Variants in DCC observed in about 807,000 individuals in gnomAD.
DCC encodes the protein DCC netrin 1 receptor.
A neutral mutation model predicts 172.5 loss-of-function variants in DCC; 58 were observed. The ratio of observed to expected loss-of-function variants is 0.34; its 90% CI spans 0.27 to 0.42. The LOEUF is 0.42. DCC is among the 10% of genes least tolerant of loss of function. The probability of loss-of-function intolerance (pLI) is 1.00; values close to 1 mark genes in which losing one functional copy is unlikely to be tolerated. For synonymous variants in DCC, 709 were observed against 644.5 expected (o/e 1.10, Z -1.52); for missense variants, 1,740 against 1,791.0 (o/e 0.97, Z 0.51).
chr18:52,874,732 G>A (rs2039376481), intron 2 of DCC, among the ~76,000 whole-genome samples: 1 of 152,080 alleles, frequency 6.6e-6, no homozygotes, highest in Admixed American at 6.6e-5. Context: ...AGGAGACAGA[G>A]GAAAGGCTCA....
rs564796071 is a variant in DCC at position 53,522,734 on chromosome 18, C to A, written c.4112-3883C>A. Among the ~76,000 whole-genome samples the A allele has an allele frequency of 1.6e-3, 251 of 152,184 alleles. 1 individual carries two copies. Among genetic ancestry groups the A allele is most frequent in the South Asian group, 3.1e-3 (15 of 4,826 alleles). ...CCATATGCAGAAAACTGAAACCTGA[C>A]CCCTCCTTACACCTTATACAAAAAT... On this transcript the variant is annotated intron_variant, in intron 27 of 28. Coordinates refer to ENST00000442544, the MANE Select transcript of DCC (RefSeq NM_005215.4).
chr18:52,353,449 C>T (rs1343590878), intron 1 of DCC, among the ~76,000 whole-genome samples: 1 of 152,130 alleles, frequency 6.6e-6, no homozygotes, highest in Non-Finnish European at 1.5e-5. Context: ...CTCTGTGTCC[C>T]AAGTCTGATG....
At chr18:52,738,911 A>AAAAAAG (rs796929632) in intron 1 of DCC, among the ~76,000 whole-genome samples, 67 of 151,864 alleles carry the variant, frequency 4.4e-4, no homozygotes, top group African/African-American at 1.3e-3. Context: ...AAAAAAAAAA[A>AAAAAAG]AAAAAAAGAA....
chr18:52,592,293 A>G (rs1202861996), intron 1 of DCC, among the ~76,000 whole-genome samples: 2 of 152,190 alleles, frequency 1.3e-5, no homozygotes, highest in Non-Finnish European at 2.9e-5. Flanking sequence ...CAGAGGAAAG[A>G]AAGGAGCATT....
intron 2 of DCC, among the ~76,000 whole-genome samples, chr18:52,793,981 C>A (rs2037823802): frequency 6.6e-6 from 1 of 151,448 alleles, no homozygotes; most frequent in Non-Finnish European, 1.5e-5. Flanking sequence ...TTCTATTAAT[C>A]TATATTTCTG....
At chr18:53,219,385 C>T (rs2055898001) in intron 12 of DCC, among the ~76,000 whole-genome samples, 1 of 152,094 alleles carries the variant, frequency 6.6e-6, no homozygotes, top group Non-Finnish European at 1.5e-5. Flanking sequence ...GTATACCAGT[C>T]AACTCACTAG....
chr18:52,626,341 T>C (rs374684127), intron 1 of DCC, among the ~76,000 whole-genome samples: 1 of 152,166 alleles, frequency 6.6e-6, no homozygotes, highest in African/African-American at 2.4e-5. Flanking sequence ...CCAGCCCTAC[T>C]TCCAAAATAG....
chr18:53,128,830 T>TACACACACACACAC (rs1209652447), intron 7 of DCC, among the ~76,000 whole-genome samples: 3 of 86,966 alleles, frequency 3.4e-5, no homozygotes, highest in African/African-American at 1.2e-4. Flanking sequence ...TGTATACACA[T>TACACACACACACAC]ACACACACAC....
intron 2 of DCC, among the ~76,000 whole-genome samples, chr18:52,896,557 C>T (rs557126615): frequency 6.6e-6 from 1 of 152,252 alleles, no homozygotes; most frequent in African/African-American, 2.4e-5. Flanking sequence ...TAAGAAGAAT[C>T]TAGAAAGACA....
intron 10 of DCC, 84 bp from the exon 11 acceptor site, chr18:53,207,595 C>T: frequency 2.4e-6 from 3 of 1,269,210 alleles, no homozygotes; most frequent in Non-Finnish European, 2.3e-6. Flanking sequence ...AGTCTAATGT[C>T]CAATTCACTG....
chr18:53,504,130 G>T (rs1598817343), intron 27 of DCC, among the ~76,000 whole-genome samples: 1 of 152,186 alleles, frequency 6.6e-6, no homozygotes, highest in Non-Finnish European at 1.5e-5. Context: ...ATGTATTCCT[G>T]CTGTAACCTG....
chr18:53,245,386 T>C (rs1465713405), intron 12 of DCC, among the ~76,000 whole-genome samples: 3 of 152,196 alleles, frequency 2.0e-5, no homozygotes, highest in African/African-American at 7.2e-5. Context: ...CTGTATGCTC[T>C]GTGCCTCAGT....
At chr18:53,205,120 T>C (rs1373435592) in intron 9 of DCC, 96 bp from the exon 10 acceptor site, 1 of 927,132 alleles carries the variant, frequency 1.1e-6, no homozygotes, top group African/African-American at 1.6e-5. Context: ...CCTAGAATTT[T>C]ATTGAACTGT....
At chr18:53,082,826 T>A (rs996101676) in intron 7 of DCC, among the ~76,000 whole-genome samples, 25 of 152,234 alleles carry the variant, frequency 1.6e-4, no homozygotes, top group African/African-American at 6.0e-4. Flanking sequence ...TTTATATTTA[T>A]CTTCTATGTT....
chr18:52,585,822 G>A (rs886500184), intron 1 of DCC, among the ~76,000 whole-genome samples: 2 of 152,216 alleles, frequency 1.3e-5, no homozygotes, highest in South Asian at 2.1e-4. Context: ...GGTGGCTCAC[G>A]CCTGTAATCC....
chr18:53,128,868 CACATAT>C (rs1320384773), intron 7 of DCC, among the ~76,000 whole-genome samples: 35 of 57,434 alleles, frequency 6.1e-4, no homozygotes, highest in African/African-American at 8.5e-4. Context: ...CACACACACA[CACATAT>C]ATATATATAT....
intron 1 of DCC, among the ~76,000 whole-genome samples, chr18:52,468,325 A>T (rs1988847397): frequency 6.6e-6 from 1 of 152,242 alleles, no homozygotes; most frequent in Admixed American, 6.5e-5. Context: ...CCATCGAAAA[A>T]GATTGATGTT....
Position 52,936,259 on chromosome 18 carries a change from G to T in DCC, c.985+10889G>T, listed in dbSNP as rs545064087. On this transcript the variant is annotated intron_variant, in intron 5 of 28. Transcript: ENST00000442544. Reference sequence around the variant, plus strand: ...AATTAAGTGCAAAATATGTTTAAAAGATTCTGTTGAATATTTATATGAATT... The same window carrying T: ...AATTAAGTGCAAAATATGTTTAAAATATTCTGTTGAATATTTATATGAATT... 8.5e-3 allele frequency among the ~76,000 whole-genome samples: 496 copies of T among 58,282 alleles called. 109 individuals are homozygous for T. The highest frequency in any genetic ancestry group is 0.025 in the African/African-American group (483 of 19,296). 38.2% of individuals were successfully genotyped at this position (58,282 alleles called of 152,430 possible).
chr18:52,545,621 C>T (rs183947362), intron 1 of DCC, among the ~76,000 whole-genome samples: 49 of 152,266 alleles, frequency 3.2e-4, no homozygotes, highest in Non-Finnish European at 5.3e-4. Context: ...TATAAATTTA[C>T]ATATACTGAG....
Sources: allele counts gnomAD v4.1 joint callset (sites outside exome capture counted in the v4.1 genomes callset), GRCh38; gene constraint gnomAD v4.1.1; transcripts MANE v1.5; gene names NCBI Gene and HGNC (gene_info 2026-07-23, HGNC 2026-07-21).